Variants in PKIB observed in about 807,000 individuals in gnomAD.
PKIB encodes the protein cAMP-dependent protein kinase inhibitor beta.
PKIB carries 2 observed loss-of-function variants against 4.5 expected under a neutral mutation model. The ratio of observed to expected loss-of-function variants is 0.44; its 90% CI spans 0.18 to 1.39. The LOEUF (loss-of-function observed/expected upper bound fraction) is 1.39. Ranked by LOEUF, PKIB falls within the 40% of genes most tolerant of loss-of-function variation. The probability of loss-of-function intolerance (pLI) is 0.27; values close to 1 mark genes in which losing one functional copy is unlikely to be tolerated. For missense variants in PKIB, 94 were observed against 92.6 expected, an observed-to-expected ratio of 1.02 and a Z score of -0.06; for synonymous variants, 38 against 36.0, an observed-to-expected ratio of 1.06 and a Z score of -0.20.
At chr6:122,545,440 AG>A (rs1772462918) in intron 2 of PKIB, among the ~76,000 whole-genome samples, 1 of 151,868 alleles carries the variant, frequency 6.6e-6, no homozygotes, top group Non-Finnish European at 1.5e-5. Flanking sequence ...CTAAACACTG[AG>A]TACACATGGA....
At chr6:122,491,517 C>T (rs995725911) in intron 2 of PKIB, among the ~76,000 whole-genome samples, 1 of 152,130 alleles carries the variant, frequency 6.6e-6, no homozygotes, top group Non-Finnish European at 1.5e-5. Context: ...TCATGCCTGG[C>T]TAGCTACCTA....
At chr6:122,599,280 C>CA (rs1396477514) in intron 3 of PKIB, among the ~76,000 whole-genome samples, 1 of 151,902 alleles carries the variant, frequency 6.6e-6, no homozygotes, top group Non-Finnish European at 1.5e-5. Context: ...TTTCTTCTGG[C>CA]AAAAAAGGTT....
intron 2 of PKIB, among the ~76,000 whole-genome samples, chr6:122,650,252 C>T (rs182794132): frequency 2.0e-5 from 3 of 151,930 alleles, no homozygotes; most frequent in Non-Finnish European, 2.9e-5. Flanking sequence ...ACCAAGTAGA[C>T]GAGTAAATGA....
chr6:122,583,304 G>A (rs1773757023), intron 2 of PKIB, among the ~76,000 whole-genome samples: 1 of 152,062 alleles, frequency 6.6e-6, no homozygotes. Flanking sequence ...CAAACTGTGA[G>A]ATAGGCATGC....
At chr6:122,522,720 C>G (rs951663616) in intron 2 of PKIB, among the ~76,000 whole-genome samples, 13 of 152,170 alleles carry the variant, frequency 8.5e-5, no homozygotes, top group Non-Finnish European at 1.5e-5. Context: ...CCTGCTTCTG[C>G]TCACCCTCCG....
chr6:122,595,591 A>G (rs1325842925), intron 3 of PKIB, among the ~76,000 whole-genome samples: 2 of 152,168 alleles, frequency 1.3e-5, no homozygotes, highest in Non-Finnish European at 2.9e-5. Context: ...CCTTTCCATG[A>G]TGGAAGAGGT....
chr6:122,633,849 C>A (rs1775793561), intron 2 of PKIB, among the ~76,000 whole-genome samples: 1 of 152,084 alleles, frequency 6.6e-6, no homozygotes, highest in South Asian at 2.1e-4. Flanking sequence ...CTTGATGACA[C>A]TAATAGGTGA....
chr6:122,626,993 G>A (rs1282819735), intron 1 of PKIB, among the ~76,000 whole-genome samples: 1 of 150,734 alleles, frequency 6.6e-6, no homozygotes, highest in Non-Finnish European at 1.5e-5. Context: ...CCAGCACTTT[G>A]GGAGGCCGAG....
intron 1 of PKIB, among the ~76,000 whole-genome samples, chr6:122,626,221 T>C (rs976487369): frequency 8.5e-5 from 13 of 152,254 alleles, no homozygotes; most frequent in African/African-American, 2.9e-4. Context: ...TTTTCACAAC[T>C]GTATAAATTC....
intron 2 of PKIB, among the ~76,000 whole-genome samples, chr6:122,502,266 G>T (rs1776263707): frequency 6.6e-6 from 1 of 151,888 alleles, no homozygotes; most frequent in African/African-American, 2.4e-5. Context: ...TAGTTCCAAA[G>T]TTGCTTCCAC....
chr6:122,563,358 G>T (rs1338757107), intron 2 of PKIB, among the ~76,000 whole-genome samples: 1 of 152,128 alleles, frequency 6.6e-6, no homozygotes, highest in Non-Finnish European at 1.5e-5. Flanking sequence ...GCCTGTTCTG[G>T]TGGAGGTGGC....
chr6:122,685,230 A>G (rs1431922189), intron 3 of PKIB, among the ~76,000 whole-genome samples: 1 of 152,204 alleles, frequency 6.6e-6, no homozygotes, highest in African/African-American at 2.4e-5. Flanking sequence ...TAAAAAGACT[A>G]AAAATTCTAT....
chr6:122,574,385 C>T (rs1316999981), intron 2 of PKIB, among the ~76,000 whole-genome samples: 1 of 152,074 alleles, frequency 6.6e-6, no homozygotes, highest in African/African-American at 2.4e-5. Context: ...TATCCATCAT[C>T]GTTCCCCACA....
At chr6:122,520,230 A>G (rs761163498) in intron 2 of PKIB, among the ~76,000 whole-genome samples, 6 of 152,200 alleles carry the variant, frequency 3.9e-5, no homozygotes, top group Admixed American at 2.6e-4. Context: ...AAACTAGATT[A>G]TAAGCTCCTA....
At chr6:122,576,491 A>T (rs1298282420) in intron 2 of PKIB, among the ~76,000 whole-genome samples, 1 of 151,310 alleles carries the variant, frequency 6.6e-6, no homozygotes, top group African/African-American at 2.4e-5. Flanking sequence ...ACATGGTGAA[A>T]CCCCGTTTCT....
chr6:122,541,295 T>G (rs1037842055), intron 2 of PKIB, among the ~76,000 whole-genome samples: 1 of 152,120 alleles, frequency 6.6e-6, no homozygotes, highest in African/African-American at 2.4e-5. Flanking sequence ...CTTTACATTT[T>G]GGCATGTTTT....
intron 2 of PKIB, among the ~76,000 whole-genome samples, chr6:122,510,942 C>T (rs1021742380): frequency 1.3e-4 from 20 of 152,224 alleles, no homozygotes; most frequent in African/African-American, 4.3e-4. Context: ...GTGGCCATTT[C>T]GGACATATCT....
intron 2 of PKIB, among the ~76,000 whole-genome samples, chr6:122,487,902 A>T (rs972355791): frequency 5.3e-5 from 8 of 152,182 alleles, no homozygotes; most frequent in African/African-American, 1.9e-4. Context: ...ATCAGTAAAC[A>T]TATGGTGCTG....
intron 2 of PKIB, among the ~76,000 whole-genome samples, chr6:122,668,007 C>T (rs911031689): frequency 2.6e-5 from 4 of 152,192 alleles, no homozygotes; most frequent in Non-Finnish European, 5.9e-5. Context: ...CATATACACA[C>T]TCTTCTCTTA....
Sources: gnomAD v4.1 joint callset for allele counts (sites outside exome capture counted in the v4.1 genomes callset) on GRCh38, gnomAD v4.1.1 for gene constraint, MANE v1.5 for transcripts, NCBI Gene and HGNC (gene_info 2026-07-23, HGNC 2026-07-21) for gene names.